CRY1: variants seen among roughly 807,000 people sequenced by gnomAD.
The protein encoded by CRY1 is cryptochrome circadian regulator 1.
A neutral mutation model predicts 76.0 loss-of-function variants in CRY1; 45 were observed. The ratio of observed to expected loss-of-function variants is 0.59; its 90% confidence interval spans 0.47 to 0.76. CRY1 has a LOEUF of 0.76. Among genes scored for constraint, CRY1 ranks in the 30% least tolerant of loss-of-function variants. CRY1 has a pLI of 0.00. For missense variants in CRY1, 587 were observed against 716.4 expected (o/e 0.82, Z 2.06); for synonymous variants, 248 against 244.0 (o/e 1.02, Z -0.15).
In CRY1 at chr12:106,999,846, G is replaced by T; in HGVS notation, c.842C>A (p.Ser281Tyr). The T allele has an allele frequency of 1.2e-6, 2 of 1,611,008 alleles. No homozygotes were observed. Among genetic ancestry groups the T allele is most frequent in the East Asian group, 2.2e-5 (1 of 44,876 alleles). ...DLYKKVKKNS[S>Y]PPLSLYGQLL... ...TTGCCCATAAAGGGAAAGGGGAGGG[G>T]AACTGTTCTTCTTTACCTATGGTTA... Residue 281 changes from serine (S) to tyrosine (Y), a missense_variant, in exon 7 of 13, where the codon TCC becomes TAC. Physicochemically the swap from Ser to Tyr is moderately radical, Grantham distance 144 (BLOSUM62 -2). Transcript: ENST00000008527.
intron 1 of CRY1, among the ~76,000 whole-genome samples, chr12:107,040,487 T>C (rs1018451794): frequency 1.3e-5 from 2 of 151,886 alleles, no homozygotes; most frequent in Admixed American, 6.6e-5. Flanking sequence ...AGTTTCACCA[T>C]ATTGGCCAGG....
chr12:107,043,535 C>G (rs949511113), intron 1 of CRY1, among the ~76,000 whole-genome samples: 2 of 152,092 alleles, frequency 1.3e-5, no homozygotes, highest in Admixed American at 1.3e-4. Context: ...CAGAGCTGAG[C>G]TGATGTAGTA....
Position 106,997,936 on chromosome 12 carries a change from T to C in CRY1, c.1268A>G (p.Asp423Gly). The change falls in exon 8 of 13, where the codon GAT becomes GGT. Residue 423 changes from aspartate to glycine, a missense_variant. Asp to Gly is a moderately conservative substitution (Grantham distance 94). Coordinates refer to ENST00000008527, the MANE Select transcript of CRY1 (RefSeq NM_004075.5). ...YCPVGFGRRT[D>G]PNGDYIRRYL... is the part of the protein sequence containing the mutation. ...TTACCTGATATAGTCTCCATTGGGA[T>C]CTGTTCTCCTACCAAAACCAACAGG... The C allele has an allele frequency of 6.2e-7, 1 of 1,614,082 alleles. No individual in the cohort carries two copies. Among genetic ancestry groups the C allele is most frequent in the Non-Finnish European group, 8.5e-7 (1 of 1,179,978 alleles).
chr12:106,995,042 C>T (rs1370592760), intron 10 of CRY1, among the ~76,000 whole-genome samples: 1 of 152,196 alleles, frequency 6.6e-6, no homozygotes, highest in Non-Finnish European at 1.5e-5. Flanking sequence ...GCAGAGGAGG[C>T]CCAATGATGC....
chr12:107,008,191 C>T (rs887569270), intron 2 of CRY1, among the ~76,000 whole-genome samples: 1 of 152,202 alleles, frequency 6.6e-6, no homozygotes, highest in Non-Finnish European at 1.5e-5. Flanking sequence ...GCTAAACTAG[C>T]CCAGCTCCTT....
Position 106,991,778 on chromosome 12 carries a change from T to C in CRY1, c.*224A>G, listed in dbSNP as rs186665910. On this transcript the variant is annotated 3_prime_UTR_variant, in exon 13 of 13. Coordinates refer to ENST00000008527, the MANE Select transcript of CRY1 (RefSeq NM_004075.5). ...TCTATACTAATTGTGACTGTTTATA[T>C]TTACATTAAGCAAATTCTCTTGCCA... The C allele has an allele frequency of 2.0e-5, 3 of 152,740 alleles. No individual in the cohort carries two copies. The East Asian group carries it at 5.8e-4, about 29-fold the overall frequency. 9.5% of individuals were successfully genotyped at this position (152,740 alleles called of 1,614,324 possible). A position where few individuals can be genotyped will look rare whatever the true frequency, so the allele number is the denominator to read the frequency against.
intron 1 of CRY1, among the ~76,000 whole-genome samples, chr12:107,071,115 A>G (rs1013214194): frequency 3.9e-5 from 6 of 152,060 alleles, no homozygotes; most frequent in African/African-American, 1.4e-4. Flanking sequence ...TTCCATTTTT[A>G]TACCTTTTAT....
intron 1 of CRY1, among the ~76,000 whole-genome samples, chr12:107,083,190 G>A (rs1050753347): frequency 3.9e-5 from 6 of 152,122 alleles, no homozygotes; most frequent in African/African-American, 1.2e-4. Flanking sequence ...TGAAATTGAG[G>A]CAGTAATTAG....
chr12:107,026,193 AAAACCTCCTCC>A (rs1952614429), intron 1 of CRY1, among the ~76,000 whole-genome samples: 1 of 141,452 alleles, frequency 7.1e-6, no homozygotes, highest in Non-Finnish European at 1.5e-5. Context: ...TATATAAAAT[AAAACCTCCTCC>A]TAATGGATTT....
intron 1 of CRY1, among the ~76,000 whole-genome samples, chr12:107,039,334 T>C (rs2136864673): frequency 6.6e-6 from 1 of 152,098 alleles, no homozygotes; most frequent in South Asian, 2.1e-4. Context: ...ATAGATGACA[T>C]CAAACTAAAA....
chr12:107,058,263 G>A (rs1203286502), intron 1 of CRY1, among the ~76,000 whole-genome samples: 4 of 151,904 alleles, frequency 2.6e-5, no homozygotes, highest in Non-Finnish European at 5.9e-5. Context: ...ACTAGCACCT[G>A]GTAAATACAT....
chr12:107,042,820 G>C (rs1952813223), intron 1 of CRY1: 1 of 152,228 alleles, frequency 6.6e-6, no homozygotes, highest in Non-Finnish European at 1.5e-5. Flanking sequence ...CTCCAAATGG[G>C]ATCAGCTGAA....
intron 1 of CRY1, among the ~76,000 whole-genome samples, chr12:107,029,626 A>AG (rs397690135): frequency 6.9e-6 from 1 of 145,120 alleles, no homozygotes; most frequent in Non-Finnish European, 1.5e-5. Flanking sequence ...AAAAAAAAAA[A>AG]TCAATCATTA....
At chr12:107,040,308 C>T (rs1435889480) in intron 1 of CRY1, among the ~76,000 whole-genome samples, 5 of 74,492 alleles carry the variant, frequency 6.7e-5, no homozygotes, top group South Asian at 4.9e-4. Context: ...TTTTTTGAGA[C>T]GGAGTCTCGC....
chr12:107,030,800 C>G (rs564264508), intron 1 of CRY1, among the ~76,000 whole-genome samples: 229 of 151,992 alleles, frequency 1.5e-3, no homozygotes, highest in African/African-American at 5.0e-3. Flanking sequence ...CAGGGGAAGG[C>G]ACAAGGAAGA....
intron 5 of CRY1, 79 bp from the exon 6 acceptor site, chr12:107,000,161 T>C (rs1433538736): frequency 1.4e-6 from 2 of 1,433,180 alleles, no homozygotes; most frequent in Non-Finnish European, 1.9e-6. Flanking sequence ...AGATTTTTTT[T>C]TTTAAAGTTA....
intron 1 of CRY1, among the ~76,000 whole-genome samples, chr12:107,045,714 G>T (rs1164998761): frequency 6.6e-6 from 1 of 151,902 alleles, no homozygotes; most frequent in Admixed American, 6.6e-5. Context: ...TCTACCTATG[G>T]CTAGCCAGTT....
intron 3 of CRY1, among the ~76,000 whole-genome samples, chr12:107,004,619 C>G (rs1371185787): frequency 6.6e-6 from 1 of 152,104 alleles, no homozygotes; most frequent in African/African-American, 2.4e-5. Context: ...GTTCAGAGGA[C>G]TACAGCTATG....
At chr12:107,009,561 A>AACATATATAT (rs1566245497) in intron 2 of CRY1, among the ~76,000 whole-genome samples, 1 of 27,532 alleles carries the variant, frequency 3.6e-5, no homozygotes, top group Non-Finnish European at 8.0e-5. Flanking sequence ...AAAACAAAAA[A>AACATATATAT]ACATATATAT....
Sources: gnomAD v4.1 joint callset for allele counts (sites outside exome capture counted in the v4.1 genomes callset) on GRCh38, gnomAD v4.1.1 for gene constraint, MANE v1.5 for transcripts, NCBI Gene and HGNC (gene_info 2026-07-23, HGNC 2026-07-21) for gene names.